SYAP1: variants seen among roughly 807,000 people sequenced by gnomAD.
SYAP1 encodes synapse-associated protein 1.
A neutral mutation model predicts 29.6 loss-of-function variants in SYAP1; 3 were observed. The observed-to-expected ratio is 0.10, with a 90% CI of 0.05 to 0.26. The LOEUF is 0.26. SYAP1 is among the 10% of genes least tolerant of loss of function. The pLI is 1.00. For synonymous variants in SYAP1, 102 were observed against 102.7 expected (o/e 0.99, Z 0.04); for missense variants, 217 against 264.1 (o/e 0.82, Z 1.24).
intron 5 of SYAP1, 105 bp from the exon 6 acceptor site, chrX:16,754,840 G>A (rs1185455871): frequency 1.3e-5 from 10 of 784,736 alleles, no homozygotes; most frequent in South Asian, 4.6e-5. Flanking sequence ...TAACCCCTGC[G>A]TGCACTTGTC....
intron 1 of SYAP1, among the ~76,000 whole-genome samples, chrX:16,731,511 T>C (rs945878670): frequency 2.7e-5 from 3 of 112,259 alleles, no homozygotes; most frequent in African/African-American, 9.7e-5. Flanking sequence ...TAACCGTCCT[T>C]TCCCAGAACA....
rs1925913803 is a variant in SYAP1, at chrX:16,719,811, G to C, written c.87G>C (p.Gln29His). Reference protein sequence around the residue: ...GQPNGDAPPEQPSETVAESAE... With the variant: ...GQPNGDAPPEHPSETVAESAE... ...CCAATGGAGATGCTCCACCCGAGCA[G>C]CCGTCCGAGACGGTGGCTGAGTCTG... is the stretch of plus-strand genomic sequence containing the variant. The change falls in exon 1 of 9, where the codon CAG becomes CAC. Residue 29 changes from glutamine to histidine, a missense_variant. Gln to His is a conservative substitution (Grantham distance 24, BLOSUM62 0). Transcript: ENST00000380155. The C allele has an allele frequency of 8.3e-7, 1 of 1,199,020 alleles. No homozygotes were observed. The highest frequency in any genetic ancestry group is 1.7e-5 in the African/African-American group (1 of 57,671).
chrX:16,729,135 C>A lies in SYAP1; in HGVS notation c.176-6092C>A, dbSNP rs369298758. Among the ~76,000 whole-genome samples, 5 of 110,155 alleles carry A rather than the reference C, an allele frequency of 4.5e-5. No individual in the cohort carries two copies. The East Asian group carries it at 1.1e-3, about 25-fold the overall frequency. Reference sequence around the variant, plus strand: ...ACATAATTATAATTATTACTGATAACGTACACTGATATATCAGAATTATAG... The same window carrying A: ...ACATAATTATAATTATTACTGATAAAGTACACTGATATATCAGAATTATAG... On this transcript the variant is annotated intron_variant, in intron 1 of 8. Transcript: ENST00000380155.
intron 3 of SYAP1, among the ~76,000 whole-genome samples, chrX:16,737,361 G>A (rs868104772): frequency 1.8e-5 from 2 of 111,332 alleles, no homozygotes; most frequent in African/African-American, 3.3e-5. Context: ...CTCCAGCCTG[G>A]ACTACAGAGT....
At chrX:16,724,613 C>G (rs1926044318) in intron 1 of SYAP1, among the ~76,000 whole-genome samples, 1 of 111,397 alleles carries the variant, frequency 9.0e-6, no homozygotes. Context: ...ATCAGGGAAC[C>G]AATCTCTTCC....
chrX:16,756,448 GTAGA>G (rs1243448891), intron 6 of SYAP1, among the ~76,000 whole-genome samples: 2 of 111,824 alleles, frequency 1.8e-5, no homozygotes, highest in Non-Finnish European at 3.8e-5. Context: ...AAATGGATAG[GTAGA>G]TAGATAGATA....
chrX:16,756,157 T>C (rs983896582), intron 6 of SYAP1, among the ~76,000 whole-genome samples: 3 of 111,831 alleles, frequency 2.7e-5, no homozygotes, highest in African/African-American at 9.9e-5. Context: ...ATGACAGTAT[T>C]CCATAAAGAC....
At chrX:16,729,630 C>T (rs754377516) in intron 1 of SYAP1, among the ~76,000 whole-genome samples, 1 of 109,766 alleles carries the variant, frequency 9.1e-6, no homozygotes, top group East Asian at 2.9e-4. Flanking sequence ...GGACTACAGA[C>T]GTGCCACCAT....
intron 8 of SYAP1, 40 bp downstream of exon 8, chrX:16,757,349 C>A: frequency 8.7e-7 from 1 of 1,150,937 alleles, no homozygotes; most frequent in African/African-American, 1.8e-5. Context: ...AACTATTCGT[C>A]TCCCTAATTC....
At chrX:16,729,039 G>GA (rs1283083904) in intron 1 of SYAP1, among the ~76,000 whole-genome samples, 28 of 90,145 alleles carry the variant, frequency 3.1e-4, no homozygotes, top group South Asian at 1.6e-3. Context: ...CAGCTATCTC[G>GA]AAAAAAAAAA....
intron 5 of SYAP1, among the ~76,000 whole-genome samples, chrX:16,753,396 A>G (rs1019784891): frequency 3.6e-5 from 4 of 110,658 alleles, no homozygotes; most frequent in Admixed American, 9.7e-5. Context: ...CCTGGATGAC[A>G]GAGTGAGACT....
At chrX:16,726,731 C>T (rs1025924782) in intron 1 of SYAP1, among the ~76,000 whole-genome samples, 1 of 111,536 alleles carries the variant, frequency 9.0e-6, no homozygotes, top group Admixed American at 9.7e-5. Flanking sequence ...AGGGGCTCAT[C>T]ATTATGGGGC....
chrX:16,737,290 C>T (rs1926352102), intron 3 of SYAP1, among the ~76,000 whole-genome samples: 1 of 111,210 alleles, frequency 9.0e-6, no homozygotes, highest in African/African-American at 3.3e-5. Flanking sequence ...GAGGTTGAGA[C>T]AGGAGGATCA....
At chrX:16,720,719 G>A (rs902069115) in intron 1 of SYAP1, among the ~76,000 whole-genome samples, 1 of 112,133 alleles carries the variant, frequency 8.9e-6, no homozygotes, top group African/African-American at 3.2e-5. Context: ...AGTGATCACA[G>A]AAAGCATCTT....
intron 1 of SYAP1, among the ~76,000 whole-genome samples, chrX:16,733,598 T>C (rs1429320977): frequency 9.0e-6 from 1 of 111,456 alleles, no homozygotes; most frequent in East Asian, 2.8e-4. Flanking sequence ...AAGACCTGCC[T>C]CAAGTCTCTT....
chrX:16,719,896 G>A lies in SYAP1; in HGVS notation c.172G>A (p.Gly58Ser). The change falls in exon 1 of 9, where the codon GGC becomes AGC. Residue 58 changes from glycine to serine, a missense_variant. Transcript: ENST00000380155. ...GCTCCTCCACCAGGCCAAAGACTTC[G>A]GCAGTGAGTCTACCCTGGCTCTGGG... is the stretch of plus-strand genomic sequence containing the variant. Reference protein sequence around the residue: ...QELLHQAKDFGNYLFNFASAA... With the variant: ...QELLHQAKDFSNYLFNFASAA... 1 of 1,182,630 alleles carries A rather than the reference G, an allele frequency of 8.5e-7. No homozygotes were observed. The highest frequency in any genetic ancestry group is 1.1e-6 in the Non-Finnish European group (1 of 881,051).
chrX:16,734,145 G>T (rs918584447), intron 1 of SYAP1, among the ~76,000 whole-genome samples: 1 of 110,266 alleles, frequency 9.1e-6, no homozygotes, highest in Admixed American at 9.8e-5. Flanking sequence ...TTGGGAGGCC[G>T]AAGTGGGTGG....
chrX:16,730,308 C>A (rs940717663), intron 1 of SYAP1, among the ~76,000 whole-genome samples: 1 of 112,531 alleles, frequency 8.9e-6, no homozygotes, highest in Non-Finnish European at 1.9e-5. Context: ...GAGCCAAGAT[C>A]GCACCATTGC....
chrX:16,746,732 C>T (rs1283099363), intron 5 of SYAP1, among the ~76,000 whole-genome samples: 1 of 110,308 alleles, frequency 9.1e-6, no homozygotes. Flanking sequence ...GGATTACAGA[C>T]GCATGCCACC....
Sources: gnomAD v4.1 joint callset for allele counts (sites outside exome capture counted in the v4.1 genomes callset) on GRCh38, gnomAD v4.1.1 for gene constraint, MANE v1.5 for transcripts, NCBI Gene and HGNC (gene_info 2026-07-23, HGNC 2026-07-21) for gene names.